Variants in OPA1 observed in about 807,000 individuals in gnomAD.
OPA1 encodes the protein OPA1 mitochondrial dynamin like GTPase.
A neutral mutation model predicts 152.9 loss-of-function variants in OPA1; 59 were observed. The observed-to-expected ratio is 0.39, with a 90% confidence interval of 0.31 to 0.48. The LOEUF (loss-of-function observed/expected upper bound fraction) is 0.48. OPA1 is among the 20% of genes least tolerant of loss of function. The probability of loss-of-function intolerance (pLI) is 0.96; values close to 1 mark genes in which losing one functional copy is unlikely to be tolerated. For missense variants in OPA1, 1,008 were observed against 1,216.8 expected (o/e 0.83, Z 2.55); for synonymous variants, 400 against 389.9 (o/e 1.03, Z -0.31).
In OPA1 at chr3:193,632,209, C is replaced by T. The variant is rs185020002; in HGVS notation, c.843+544C>T. ...AAAATTACCCTATCACAGCCAGGCA[C>T]GGTGGCTCACGCCTGTAATCCCAAC... On this transcript the variant is annotated intron_variant, in intron 8 of 30. Transcript: ENST00000361510. Among the ~76,000 whole-genome samples the T allele has an allele frequency of 4.1e-3, 623 of 152,330 alleles. 1 individual carries two copies. The highest frequency in any genetic ancestry group is 7.5e-3 in the Non-Finnish European group (513 of 68,032).
chr3:193,633,828 G>A (rs1352577486), intron 8 of OPA1, among the ~76,000 whole-genome samples: 4 of 152,058 alleles, frequency 2.6e-5, no homozygotes, highest in Admixed American at 2.0e-4. Flanking sequence ...TAGCTGCCGT[G>A]TTAAACAACA....
intron 23 of OPA1, 21 bp downstream of exon 23, chr3:193,657,253 G>A (rs1714074665): frequency 6.2e-7 from 1 of 1,611,744 alleles, no homozygotes; most frequent in Non-Finnish European, 8.5e-7. Context: ...TGTATACTGG[G>A]GTATCAGCCT....
intron 17 of OPA1, 47 bp downstream of exon 17, chr3:193,645,672 T>C: frequency 6.2e-7 from 1 of 1,607,792 alleles, no homozygotes; most frequent in Non-Finnish European, 8.5e-7. Context: ...TTCTGTTGTT[T>C]TCAAATAATA....
At position 193,648,891 on chromosome 3, in the gene OPA1, C is replaced by G. The variant is rs760452708; in HGVS notation, c.2012+20C>G. The stretch of plus-strand genomic sequence containing the variant: ...ACATTGGTAAGTATTTGATATTAAT[C>G]TCTTTTCTGAAAGACTTTACTGTAC... On this transcript the variant is annotated intron_variant, in intron 21 of 30. Transcript: ENST00000361510. The G allele has an allele frequency of 2.7e-6, 4 of 1,474,356 alleles. No homozygotes were observed. In the African/African-American group the frequency reaches 4.2e-5, roughly 15 times the overall value. 91.3% of individuals were successfully genotyped at this position (1,474,356 alleles called of 1,614,324 possible). A position where few individuals can be genotyped will look rare whatever the true frequency, so the allele number is the denominator to read the frequency against.
intron 10 of OPA1, 103 bp from the exon 11 acceptor site, chr3:193,637,849 A>G: frequency 1.1e-6 from 1 of 939,608 alleles, no homozygotes; most frequent in South Asian, 1.4e-5. Flanking sequence ...TCACCTGTAG[A>G]AATTTTAAAA....
intron 8 of OPA1, 26 bp downstream of exon 8, chr3:193,631,691 A>G (rs1732097113): frequency 1.3e-6 from 2 of 1,587,898 alleles, no homozygotes; most frequent in Non-Finnish European, 1.7e-6. Flanking sequence ...AAGAAAAACT[A>G]GGGACTTTTA....
intron 8 of OPA1, 101 bp downstream of exon 8, chr3:193,631,766 G>C: frequency 1.0e-6 from 1 of 977,486 alleles, no homozygotes; most frequent in Non-Finnish European, 1.7e-6. Context: ...GCAAAATTTG[G>C]AAGGTGTAAT....
intron 8 of OPA1, among the ~76,000 whole-genome samples, chr3:193,632,902 C>CT (rs746021433): frequency 6.6e-5 from 10 of 152,230 alleles, no homozygotes; most frequent in Non-Finnish European, 1.2e-4. Flanking sequence ...TCTTGGATCT[C>CT]TTTTTTGTGA....
chr3:193,607,147 T>A (rs1307528382), intron 1 of OPA1, among the ~76,000 whole-genome samples: 1 of 152,224 alleles, frequency 6.6e-6, no homozygotes, highest in Non-Finnish European at 1.5e-5. Flanking sequence ...GTTTGAGTTC[T>A]TTGTAGATTC....
At chr3:193,629,104 G>T (rs1731655358) in intron 7 of OPA1, among the ~76,000 whole-genome samples, 1 of 151,902 alleles carries the variant, frequency 6.6e-6, no homozygotes, top group Non-Finnish European at 1.5e-5. Context: ...GTAGAGACGG[G>T]GTTTCTTCAT....
intron 29 of OPA1, among the ~76,000 whole-genome samples, chr3:193,689,804 T>C (rs1721424554): frequency 6.6e-6 from 1 of 152,202 alleles, no homozygotes; most frequent in Non-Finnish European, 1.5e-5. Context: ...GTACAGCATT[T>C]CCAAGTAGAA....
At chr3:193,596,415 C>CTTTTTTTCTTTTT (rs1725599972) in intron 1 of OPA1, among the ~76,000 whole-genome samples, 1 of 126,786 alleles carries the variant, frequency 7.9e-6, no homozygotes, top group Non-Finnish European at 1.7e-5. Context: ...CTTTTCTTTT[C>CTTTTTTTCTTTTT]TTTTCTTTCA....
At chr3:193,691,798 C>T (rs1721722879) in intron 29 of OPA1, 1 of 343,606 alleles carries the variant, frequency 2.9e-6, no homozygotes, top group South Asian at 4.0e-5. Flanking sequence ...GTACTTAATA[C>T]ATGCTTTTTT....
chr3:193,682,303 A>G lies in OPA1; in HGVS notation c.2984-9760A>G, dbSNP rs560580602. 4.6e-5 allele frequency among the ~76,000 whole-genome samples: 7 copies of G among 152,340 alleles called. No individual in the cohort carries two copies. The East Asian group carries it at 1.3e-3, about 29-fold the overall frequency. Reference sequence around the variant, plus strand: ...CTGCAGAATAAAATTTGAAGCTAGCAAAGTTTGGTTCATAAGGTTTAAGAG... The same window carrying G: ...CTGCAGAATAAAATTTGAAGCTAGCGAAGTTTGGTTCATAAGGTTTAAGAG... On this transcript the variant is annotated intron_variant, in intron 29 of 30. Coordinates refer to ENST00000361510, the MANE Select transcript of OPA1 (RefSeq NM_130837.3).
intron 1 of OPA1, among the ~76,000 whole-genome samples, chr3:193,598,342 G>C (rs1164530719): frequency 6.6e-6 from 1 of 152,186 alleles, no homozygotes; most frequent in African/African-American, 2.4e-5. Context: ...GTCATCTACT[G>C]AGAGTTGGGG....
chr3:193,614,073 C>G (rs933743611), intron 1 of OPA1: 2 of 477,746 alleles, frequency 4.2e-6, no homozygotes, highest in African/African-American at 2.0e-5. Flanking sequence ...GGGTGGAGCT[C>G]TACAGTCAAT....
intron 1 of OPA1, among the ~76,000 whole-genome samples, chr3:193,614,347 C>T (rs1728701280): frequency 6.6e-6 from 1 of 152,222 alleles, no homozygotes; most frequent in Admixed American, 6.5e-5. Flanking sequence ...TCTTTGGTTT[C>T]AATTCCTGAG....
rs200243596 is a variant in OPA1, at chr3:193,618,911, C to A, written c.653C>A (p.Ser218Tyr). The A allele has an allele frequency of 6.2e-7, 1 of 1,613,616 alleles. No individual in the cohort carries two copies. The highest frequency in any genetic ancestry group is 1.7e-5 in the Admixed American group (1 of 60,006). The part of the protein sequence containing the change: ...ETAFRATDRG[S>Y]ESDKHFRKGL... ...GCGTTTAGAGCAACAGATCGTGGAT[C>A]TGAAAGTGACAAGCATTTTAGAAAG... is the stretch of plus-strand genomic sequence containing the variant. Residue 218 changes from serine to tyrosine, a missense_variant, in exon 6 of 31, where the codon TCT (serine) becomes TAT (tyrosine). By Grantham distance (144) the Ser-to-Tyr change is moderately radical (BLOSUM62 -2). This residue lies in a region of OPA1 where 408 missense variants were observed against 395.1 expected (regional missense o/e 1.03). Coordinates refer to ENST00000361510, the MANE Select transcript of OPA1 (RefSeq NM_130837.3).
intron 21 of OPA1, among the ~76,000 whole-genome samples, chr3:193,651,434 AAG>A (rs1386566061): frequency 2.0e-5 from 3 of 152,088 alleles, no homozygotes; most frequent in Admixed American, 6.5e-5. Flanking sequence ...GTAGATAATG[AAG>A]AGTCTATTAA....
Sources: allele counts gnomAD v4.1 joint callset (sites outside exome capture counted in the v4.1 genomes callset), GRCh38; gene constraint gnomAD v4.1.1; regional missense constraint gnomAD v4.1.1; transcripts MANE v1.5; gene names NCBI Gene and HGNC (gene_info 2026-07-23, HGNC 2026-07-21).